Variants in ROBO2 observed in about 807,000 individuals in gnomAD.
ROBO2 encodes the protein roundabout homolog 2.
Under a neutral mutation model 160.8 loss-of-function variants are expected in ROBO2, and 53 were observed. The ratio of observed to expected loss-of-function variants is 0.33; its 90% CI spans 0.26 to 0.41. The LOEUF (loss-of-function observed/expected upper bound fraction) is 0.41. ROBO2 is among the 10% of genes least tolerant of loss of function. The pLI is 1.00. For missense variants in ROBO2, 1,577 were observed against 1,722.4 expected (o/e 0.92, Z 1.49); for synonymous variants, 664 against 611.7 (o/e 1.09, Z -1.26).
chr3:77,371,364 T>C (rs2071725899), intron 2 of ROBO2, among the ~76,000 whole-genome samples: 1 of 152,202 alleles, frequency 6.6e-6, no homozygotes, highest in Non-Finnish European at 1.5e-5. Context: ...CCTCTTTCTA[T>C]GTTTCTTCTC....
chr3:75,971,059 A>T (rs2064977875), intron 2 of ROBO2, among the ~76,000 whole-genome samples: 1 of 151,406 alleles, frequency 6.6e-6, no homozygotes, highest in Non-Finnish European at 1.5e-5. Flanking sequence ...AATAAAAAAA[A>T]AATTTACTTT....
At chr3:76,154,954 C>A (rs1031971322) in intron 2 of ROBO2, among the ~76,000 whole-genome samples, 4 of 151,942 alleles carry the variant, frequency 2.6e-5, no homozygotes, top group African/African-American at 9.7e-5. Context: ...TGAAAAGTCA[C>A]ACTTGATTGA....
chr3:76,202,406 T>C lies in ROBO2; in HGVS notation c.109+264804T>C, dbSNP rs575044145. Among the ~76,000 whole-genome samples the C allele has an allele frequency of 3.5e-4, 54 of 152,314 alleles. 1 individual carries two copies. The highest frequency in any genetic ancestry group is 2.4e-4 in the Non-Finnish European group (16 of 68,024). On this transcript the variant is annotated intron_variant, in intron 2 of 26. Coordinates refer to the ROBO2 transcript ENST00000487694. ...GATTGATGAACATGATACAGATTTA[T>C]TGAATCAACTATTTAATAATACTGC...
chr3:76,378,476 C>T (rs974238632), intron 2 of ROBO2, among the ~76,000 whole-genome samples: 18 of 152,102 alleles, frequency 1.2e-4, no homozygotes, highest in Admixed American at 1.1e-3. Context: ...AAACGTTCGA[C>T]GAGTAGGAGA....
At chr3:76,953,997 A>G (rs1458890443) in intron 2 of ROBO2, among the ~76,000 whole-genome samples, 1 of 152,216 alleles carries the variant, frequency 6.6e-6, no homozygotes, top group South Asian at 2.1e-4. Context: ...TCATTCTCAA[A>G]TATCTATGCA....
intron 2 of ROBO2, among the ~76,000 whole-genome samples, chr3:76,670,933 C>CTTTT (rs74310624): frequency 7.0e-6 from 1 of 143,738 alleles, no homozygotes. Context: ...GATGAACTTA[C>CTTTT]TTTTTTTTTT....
At chr3:76,188,510 G>T (rs1701864587) in intron 2 of ROBO2, among the ~76,000 whole-genome samples, 1 of 151,978 alleles carries the variant, frequency 6.6e-6, no homozygotes, top group South Asian at 2.1e-4. Flanking sequence ...ATGCTTGAGG[G>T]ATATGATGCT....
At chr3:76,522,559 T>C (rs1418936100) in intron 2 of ROBO2, among the ~76,000 whole-genome samples, 1 of 152,156 alleles carries the variant, frequency 6.6e-6, no homozygotes, top group Non-Finnish European at 1.5e-5. Flanking sequence ...CTACACGGTG[T>C]TTTTAAGTAC....
At chr3:76,968,514 T>C (rs2059418553) in intron 2 of ROBO2, among the ~76,000 whole-genome samples, 1 of 152,184 alleles carries the variant, frequency 6.6e-6, no homozygotes, top group Non-Finnish European at 1.5e-5. Context: ...TCTTATTTTG[T>C]AAGTCTTGTA....
chr3:76,700,353 C>G (rs1035170827), intron 2 of ROBO2, among the ~76,000 whole-genome samples: 1 of 152,132 alleles, frequency 6.6e-6, no homozygotes, highest in Non-Finnish European at 1.5e-5. Flanking sequence ...TCTTTTCCCC[C>G]CTTTCTTCCT....
At chr3:76,658,617 G>A (rs1422064240) in intron 2 of ROBO2, among the ~76,000 whole-genome samples, 2 of 152,152 alleles carry the variant, frequency 1.3e-5, no homozygotes. Context: ...TTAGTTTGCT[G>A]AGAATGATGG....
chr3:76,968,631 G>C (rs754314136), intron 2 of ROBO2, among the ~76,000 whole-genome samples: 3 of 151,988 alleles, frequency 2.0e-5, no homozygotes, highest in Admixed American at 6.6e-5. Flanking sequence ...TTTATTTCTT[G>C]TTCTACTAGC....
chr3:76,435,292 G>A (rs2076620483), intron 2 of ROBO2: 1 of 1,068,292 alleles, frequency 9.4e-7, no homozygotes, highest in Admixed American at 1.7e-5. Context: ...GAGATAGTCA[G>A]TGCCAAATCT....
At chr3:77,076,297 C>G (rs1258962175) in intron 1 of ROBO2, among the ~76,000 whole-genome samples, 1 of 152,012 alleles carries the variant, frequency 6.6e-6, no homozygotes, top group Non-Finnish European at 1.5e-5. Flanking sequence ...TATGAAGACT[C>G]TTTAACTTTT....
At chr3:76,236,771 G>A (rs1355662004) in intron 2 of ROBO2, among the ~76,000 whole-genome samples, 1 of 151,960 alleles carries the variant, frequency 6.6e-6, no homozygotes, top group African/African-American at 2.4e-5. Flanking sequence ...AATTAAACAT[G>A]ATATTAACTA....
At chr3:76,640,823 G>C (rs1361730856) in intron 2 of ROBO2, among the ~76,000 whole-genome samples, 1 of 152,094 alleles carries the variant, frequency 6.6e-6, no homozygotes, top group Non-Finnish European at 1.5e-5. Flanking sequence ...GGAAAATAAG[G>C]ACGTTCTCAA....
At chr3:76,746,824 A>G (rs895363211) in intron 2 of ROBO2, among the ~76,000 whole-genome samples, 2 of 151,952 alleles carry the variant, frequency 1.3e-5, no homozygotes, top group Non-Finnish European at 2.9e-5. Context: ...TCCTCTGACA[A>G]GCCCCAGTGT....
chr3:77,333,431 G>C (rs1202393484), intron 2 of ROBO2, among the ~76,000 whole-genome samples: 1 of 152,162 alleles, frequency 6.6e-6, no homozygotes, highest in African/African-American at 2.4e-5. Flanking sequence ...CAGAATGCAA[G>C]TATAGAAGCT....
chr3:76,008,753 C>G (rs1292667030), intron 2 of ROBO2, among the ~76,000 whole-genome samples: 1 of 151,704 alleles, frequency 6.6e-6, no homozygotes, highest in South Asian at 2.1e-4. Context: ...TTTTTCTCAT[C>G]CATCACTAGG....
Sources: gnomAD v4.1 joint callset for allele counts (sites outside exome capture counted in the v4.1 genomes callset) on GRCh38, gnomAD v4.1.1 for gene constraint, MANE v1.5 for transcripts, NCBI Gene and HGNC (gene_info 2026-07-23, HGNC 2026-07-21) for gene names.